SAMM50: variants seen among roughly 807,000 people sequenced by gnomAD.
The protein encoded by SAMM50 is SAMM50 sorting and assembly machinery component.
SAMM50 carries 47 observed loss-of-function variants against 66.9 expected under a neutral mutation model. The ratio of observed to expected loss-of-function variants is 0.70; its 90% CI spans 0.56 to 0.90. The LOEUF (loss-of-function observed/expected upper bound fraction) is 0.90. SAMM50 is among the 40% of genes least tolerant of loss of function. The pLI is 0.00. For synonymous variants in SAMM50, 191 were observed against 214.1 expected, an observed-to-expected ratio of 0.89 and a Z score of 0.94; for missense variants, 535 against 595.3, an observed-to-expected ratio of 0.90 and a Z score of 1.05.
At chr22:43,985,699 A>G (rs1361763078) in intron 12 of SAMM50, among the ~76,000 whole-genome samples, 2 of 151,916 alleles carry the variant, frequency 1.3e-5, no homozygotes, top group Non-Finnish European at 2.9e-5. Context: ...CTGGGACATA[A>G]GTTGTCACAT....
Position 43,983,931 on chromosome 22 carries a change from A to G in SAMM50, c.1008-2A>G. 1 of 1,608,440 alleles carries G rather than the reference A, an allele frequency of 6.2e-7. No individual in the cohort carries two copies. Among genetic ancestry groups the G allele is most frequent in the Non-Finnish European group, 8.5e-7 (1 of 1,177,402 alleles). On this transcript the variant is annotated splice_acceptor_variant, in intron 11 of 14. Transcript: ENST00000350028. LOFTEE classifies it high-confidence loss of function. The surrounding 1 kb of genome is among the most constrained non-coding windows in gnomAD (Gnocchi z 4.2). ...TCTGACCTGTGTGCTGTTTTGTCCT[A>G]GGTTTTACCTTGGGGGACCCACAAG...
chr22:43,972,099 C>T, intron 4 of SAMM50, 137 bp from the exon 5 acceptor site: 2 of 550,652 alleles, frequency 3.6e-6, no homozygotes, highest in Non-Finnish European at 3.2e-6. Flanking sequence ...TTAAACGTTT[C>T]TCATGATTAT....
intron 12 of SAMM50, chr22:43,986,811 C>G (rs1464360009): frequency 6.6e-6 from 1 of 152,172 alleles, no homozygotes; most frequent in Admixed American, 6.5e-5. Flanking sequence ...CCTTGGCCCC[C>G]CAAAGTGCTC....
At chr22:43,972,750 T>A (rs1051967243) in intron 5 of SAMM50, 121 bp from the exon 6 acceptor site, 1 of 903,738 alleles carries the variant, frequency 1.1e-6, no homozygotes, top group Non-Finnish European at 1.7e-6. Context: ...AGACTAGATC[T>A]GTAGTTAGCA....
chr22:43,989,309 TAA>T, intron 13 of SAMM50, 52 bp downstream of exon 13: 3 of 1,562,764 alleles, frequency 1.9e-6, no homozygotes, highest in Non-Finnish European at 2.6e-6. Context: ...TTTTCATGTT[TAA>T]AAGCACAGTA....
rs3083316 is a variant in SAMM50 at position 43,958,476 on chromosome 22, C to CTTTTTTT, written c.21+2892_21+2898dup. On this transcript the variant is annotated intron_variant, in intron 1 of 14. Coordinates refer to ENST00000350028, the MANE Select transcript of SAMM50 (RefSeq NM_015380.5). The stretch of plus-strand genomic sequence containing the variant: ...AAAAAGTATCTGCCTTTATGGAGCT[C>CTTTTTTT]TTTTTTTTTTTTTTTTTTTTGAGGC... 4.1e-3 allele frequency among the ~76,000 whole-genome samples: 460 copies of CTTTTTTT among 112,508 alleles called. 3 individuals are homozygous for CTTTTTTT. Among genetic ancestry groups the CTTTTTTT allele is most frequent in the African/African-American group, 5.8e-3 (164 of 28,444 alleles). 73.8% of individuals were successfully genotyped at this position (112,508 alleles called of 152,430 possible). A position where few individuals can be genotyped will look rare whatever the true frequency, so the allele number is the denominator to read the frequency against.
chr22:43,982,256 GTGTGTAAAGATTTA>G (rs2050268598), intron 11 of SAMM50, among the ~76,000 whole-genome samples: 1 of 152,166 alleles, frequency 6.6e-6, no homozygotes. Context: ...ACTTTTCTAA[GTGTGTAAAGATTTA>G]TGTGTAGAAG....
intron 14 of SAMM50, among the ~76,000 whole-genome samples, chr22:43,995,777 C>G (rs912977062): frequency 6.6e-6 from 1 of 152,226 alleles, no homozygotes; most frequent in African/African-American, 2.4e-5. Flanking sequence ...TGGAGTCACA[C>G]CTGCAGAAGG....
rs532749175 is a variant in SAMM50 at position 43,969,345 on chromosome 22, C to T, written c.322+527C>T. Among the ~76,000 whole-genome samples, 97 of 152,326 alleles carry T rather than the reference C, an allele frequency of 6.4e-4. 1 individual carries two copies. Among genetic ancestry groups the T allele is most frequent in the Admixed American group, 3.2e-3 (49 of 15,310 alleles). ...TCTTGTTGCTGTGTGATACTGGGCACGTCTCTGAACATTTATTCTTTGGCT... is the reference window on the plus strand; with the variant it reads ...TCTTGTTGCTGTGTGATACTGGGCATGTCTCTGAACATTTATTCTTTGGCT... On this transcript the variant is annotated intron_variant, in intron 4 of 14. Transcript: ENST00000350028.
chr22:43,993,278 C>G (rs762955001), intron 14 of SAMM50, among the ~76,000 whole-genome samples: 1 of 152,232 alleles, frequency 6.6e-6, no homozygotes, highest in Non-Finnish European at 1.5e-5. Flanking sequence ...GTGCACGTCT[C>G]GGGCAGGGAG....
intron 12 of SAMM50, among the ~76,000 whole-genome samples, 153 bp downstream of exon 12, chr22:43,984,153 T>C (rs6006598): frequency 0.16 from 24,346 of 152,162 alleles, 2,149 homozygotes; most frequent in South Asian, 0.25. Context: ...GTAGCAGGTG[T>C]AGAACATTTA....
At position 43,983,290 on chromosome 22, in the gene SAMM50, C is replaced by CTAAA. The variant is rs1348557685; in HGVS notation, c.1008-643_1008-642insTAAA. On this transcript the variant is annotated intron_variant, in intron 11 of 14. Transcript: ENST00000350028. The surrounding 1 kb of genome is among the most constrained non-coding windows in gnomAD (Gnocchi z 4.2). ...TTTAAATTCATTTTTTAGTAATTATCATAATCTAAAATCGGGTTCTAATAT... is the reference window on the plus strand; with the variant it reads ...TTTAAATTCATTTTTTAGTAATTATCTAAAATAATCTAAAATCGGGTTCTAATAT... Among the ~76,000 whole-genome samples, 1 of 152,160 alleles carries CTAAA rather than the reference C, an allele frequency of 6.6e-6. No individual in the cohort carries two copies. The highest frequency in any genetic ancestry group is 2.4e-5 in the African/African-American group (1 of 41,420).
chr22:43,966,380 G>A (rs569989949), intron 3 of SAMM50, among the ~76,000 whole-genome samples: 14 of 150,952 alleles, frequency 9.3e-5, no homozygotes, highest in African/African-American at 3.4e-4. Flanking sequence ...TTTTTGAGAC[G>A]GAGTTTCGCT....
At chr22:43,970,255 G>A (rs12168183) in intron 4 of SAMM50, among the ~76,000 whole-genome samples, 8,449 of 151,898 alleles carry the variant, frequency 0.056, 253 homozygotes, top group Middle Eastern at 0.078. Context: ...CTAGTGTGGT[G>A]CCTTGTTCTC....
chr22:43,961,568 C>T (rs1379221800), intron 1 of SAMM50, among the ~76,000 whole-genome samples: 1 of 152,054 alleles, frequency 6.6e-6, no homozygotes, highest in Non-Finnish European at 1.5e-5. Flanking sequence ...TCCTGCCTTA[C>T]CCTTCCAAGT....
At chr22:43,978,073 G>A in intron 10 of SAMM50, 115 bp downstream of exon 10, 2 of 672,372 alleles carry the variant, frequency 3.0e-6, no homozygotes, top group Non-Finnish European at 2.6e-6. Flanking sequence ...GGGCGGTAAT[G>A]CTTAACCTTT....
At chr22:43,973,196 A>G in intron 6 of SAMM50, 40 bp from the exon 7 acceptor site, 1 of 1,391,808 alleles carries the variant, frequency 7.2e-7, no homozygotes, top group Non-Finnish European at 1.0e-6. Context: ...AGTTCTAATC[A>G]CTGTTTCAGC....
intron 1 of SAMM50, among the ~76,000 whole-genome samples, chr22:43,961,436 A>G (rs2050146674): frequency 6.6e-6 from 1 of 152,190 alleles, no homozygotes; most frequent in Non-Finnish European, 1.5e-5. Context: ...ATATAATACA[A>G]TGTATACATA....
intron 14 of SAMM50, among the ~76,000 whole-genome samples, chr22:43,991,178 A>G (rs1603420477): frequency 1.3e-5 from 2 of 151,086 alleles, no homozygotes; most frequent in Admixed American, 6.6e-5. Context: ...GGGTTTCACC[A>G]TGTTGGTCAG....
Sources: allele counts gnomAD v4.1 joint callset (sites outside exome capture counted in the v4.1 genomes callset), GRCh38; gene constraint gnomAD v4.1.1; non-coding constraint Gnocchi (gnomAD v3.1); transcripts MANE v1.5; gene names NCBI Gene and HGNC (gene_info 2026-07-23, HGNC 2026-07-21).